KIF13A: variants seen among roughly 807,000 people sequenced by gnomAD.
KIF13A encodes kinesin-like protein KIF13A.
KIF13A carries 79 observed loss-of-function variants against 212.2 expected under a neutral mutation model. That is an observed-to-expected ratio of 0.37 (90% CI 0.31 to 0.45). The LOEUF is 0.45. Ranked by LOEUF, KIF13A falls within the 20% of genes least tolerant of loss-of-function variation. KIF13A has a pLI of 1.00. For missense variants in KIF13A, 1,901 were observed against 2,209.0 expected (o/e 0.86, Z 2.79); for synonymous variants, 789 against 808.6 (o/e 0.98, Z 0.41).
At chr6:17,896,443 C>G (rs549883199) in intron 3 of KIF13A, among the ~76,000 whole-genome samples, 1 of 152,294 alleles carries the variant, frequency 6.6e-6, no homozygotes, top group African/African-American at 2.4e-5. Context: ...TTTCCACTTT[C>G]TTTCAACATT....
chr6:17,827,152 T>G (rs571939149), intron 14 of KIF13A, among the ~76,000 whole-genome samples: 1 of 152,272 alleles, frequency 6.6e-6, no homozygotes, highest in East Asian at 1.9e-4. Context: ...TGGAGTGCAA[T>G]GGAGCAACTA....
Position 17,947,056 on chromosome 6 carries a change from G to C in KIF13A, c.146+39998C>G, listed in dbSNP as rs1435128686. Among the ~76,000 whole-genome samples the C allele has an allele frequency of 6.6e-6, 1 of 152,168 alleles. No individual in the cohort carries two copies. Among genetic ancestry groups the C allele is most frequent in the Non-Finnish European group, 1.5e-5 (1 of 68,034 alleles). ...TTAAAAACAGATGAGCAAATAAAGT[G>C]TGACGAAAAGTTCAAAAAGTAGCAT... is the stretch of plus-strand genomic sequence containing the variant. On this transcript the variant is annotated intron_variant, in intron 2 of 38. Coordinates refer to ENST00000259711, the MANE Select transcript of KIF13A (RefSeq NM_022113.6). This position sits in a 1 kb window ranked among gnomAD's most constrained non-coding sequence, Gnocchi z 4.6.
At position 17,764,710 on chromosome 6, in the gene KIF13A, A is replaced by G; in HGVS notation, c.4818T>C (p.Asn1606=). The G allele has an allele frequency of 6.2e-7, 1 of 1,613,406 alleles. No homozygotes were observed. The highest frequency in any genetic ancestry group is 8.5e-7 in the Non-Finnish European group (1 of 1,179,624). Residue 1606 remains asparagine, a synonymous_variant, in exon 39 of 39, where the codon AAT becomes AAC. Transcript: ENST00000259711. This position sits in a 1 kb window ranked among gnomAD's most constrained non-coding sequence, Gnocchi z 5.1. ...GGACCACCATGTCAGACAGGGTGGC[A>G]TTGGAGGCACTGTGGGAAAAGTAGC... ...TSGYFSHSAS[N]ATLSDMVVPS... is the part of the protein sequence containing the mutation.
chr6:17,778,615 T>C (rs1183320929), intron 33 of KIF13A, among the ~76,000 whole-genome samples: 2 of 152,168 alleles, frequency 1.3e-5, no homozygotes, highest in Admixed American at 1.3e-4. Context: ...TGTGTAACCA[T>C]GGGTGAGTTA....
At chr6:17,831,583 C>T (rs1367429307) in intron 12 of KIF13A, among the ~76,000 whole-genome samples, 1 of 150,722 alleles carries the variant, frequency 6.6e-6, no homozygotes, top group East Asian at 1.9e-4. Flanking sequence ...GGTTAAGAGA[C>T]CAAGAAAGGC....
rs1241798388 is a variant in KIF13A, at chr6:17,772,414, AAAAAC to A, written c.4325-360_4325-356del. On this transcript the variant is annotated intron_variant, in intron 36 of 38. Transcript: ENST00000259711. The surrounding 1 kb of genome is among the most constrained non-coding windows in gnomAD (Gnocchi z 4.8). The stretch of plus-strand genomic sequence containing the variant: ...AGAGAGAGAGAGGGAGACCCTGTCT[AAAAAC>A]AAAACAAAAAAACCCCACAAACAAC... Among the ~76,000 whole-genome samples the A allele has an allele frequency of 2.6e-5, 4 of 152,134 alleles. No individual in the cohort carries two copies. The highest frequency in any genetic ancestry group is 4.4e-5 in the Non-Finnish European group (3 of 68,014).
chr6:17,884,113 T>C (rs1386677077), intron 3 of KIF13A, among the ~76,000 whole-genome samples: 1 of 152,086 alleles, frequency 6.6e-6, no homozygotes, highest in African/African-American at 2.4e-5. Flanking sequence ...TGTCACCTCC[T>C]CCAATGTTTT....
chr6:17,844,011 C>CT (rs1766774725), intron 9 of KIF13A, among the ~76,000 whole-genome samples: 1 of 149,012 alleles, frequency 6.7e-6, no homozygotes, highest in Non-Finnish European at 1.5e-5. Context: ...TGCCACTGTA[C>CT]TCCAGCCTGG....
At chr6:17,791,659 G>T (rs553715844) in intron 25 of KIF13A, among the ~76,000 whole-genome samples, 148 of 152,216 alleles carry the variant, frequency 9.7e-4, no homozygotes, top group African/African-American at 3.5e-3. Flanking sequence ...CCAGTACTTT[G>T]GGAGGACCAG....
rs751536244 is a variant in KIF13A, at chr6:17,777,296, C to T, written c.4151G>A (p.Ser1384Asn). The change falls in exon 34 of 39, where the codon AGT becomes AAT. Residue 1384 changes from serine to asparagine, a missense_variant. This residue lies in a region of KIF13A where 687 missense variants were observed against 759.1 expected (regional missense o/e 0.90). Transcript: ENST00000259711. This position sits in a 1 kb window ranked among gnomAD's most constrained non-coding sequence, Gnocchi z 4.4. ...ACTTACATTATGAACATTTGGTGTACTGAGGCTCCTCCGAATGTGCCGGGC... is the reference window on the plus strand; with the variant it reads ...ACTTACATTATGAACATTTGGTGTATTGAGGCTCCTCCGAATGTGCCGGGC... Reference protein sequence around the residue: ...TKARHIRRSLSTPNVHNVSSS... With the variant: ...TKARHIRRSLNTPNVHNVSSS... 13 of 1,612,876 alleles carry T rather than the reference C, an allele frequency of 8.1e-6. No individual in the cohort carries two copies. The highest frequency in any genetic ancestry group is 4.5e-5 in the East Asian group (2 of 44,876).
At chr6:17,762,523 T>G (rs982561300), downstream of KIF13A, among the ~76,000 whole-genome samples, 31 of 152,096 alleles carry the variant, frequency 2.0e-4, no homozygotes, top group African/African-American at 6.5e-4. Context: ...TGAATATGAA[T>G]TTTTAAGAGG....
At chr6:17,779,539 T>C in intron 32 of KIF13A, 53 bp downstream of exon 32, 1 of 790,602 alleles carries the variant, frequency 1.3e-6, no homozygotes, top group Non-Finnish European at 2.1e-6. Context: ...CTCAAAGTGC[T>C]GGGATTACAG....
At chr6:17,932,664 C>G (rs921056684) in intron 2 of KIF13A, among the ~76,000 whole-genome samples, 42 of 152,244 alleles carry the variant, frequency 2.8e-4, no homozygotes, top group African/African-American at 9.6e-4. Flanking sequence ...GCCTTCTCCC[C>G]ACCCCACCAC....
chr6:17,775,303 A>G (rs1759856170), intron 34 of KIF13A, among the ~76,000 whole-genome samples: 1 of 152,152 alleles, frequency 6.6e-6, no homozygotes, highest in South Asian at 2.1e-4. Flanking sequence ...TGCATATTTT[A>G]TGCTTCACAT....
intron 18 of KIF13A, among the ~76,000 whole-genome samples, chr6:17,808,109 G>A (rs914606275): frequency 2.0e-5 from 3 of 152,180 alleles, no homozygotes; most frequent in African/African-American, 7.2e-5. Flanking sequence ...ATAGCAGGCT[G>A]GGCACAGTGG....
chr6:17,775,346 A>G (rs1210047499), intron 34 of KIF13A, among the ~76,000 whole-genome samples: 1 of 152,182 alleles, frequency 6.6e-6, no homozygotes, highest in Non-Finnish European at 1.5e-5. Flanking sequence ...GTCTTATTCA[A>G]TAGTCTAGTC....
At chr6:17,798,202 A>C (rs1445639021) in intron 22 of KIF13A, among the ~76,000 whole-genome samples, 2 of 139,638 alleles carry the variant, frequency 1.4e-5, no homozygotes, top group African/African-American at 6.3e-5. Context: ...CGATGAAAAA[A>C]CTCCAAGATG....
intron 4 of KIF13A, among the ~76,000 whole-genome samples, chr6:17,862,671 G>A (rs541398813): frequency 1.2e-4 from 19 of 152,136 alleles, no homozygotes; most frequent in African/African-American, 2.9e-4. Context: ...GGTATGAGCC[G>A]GGCATGGTGG....
chr6:17,985,139 C>T (rs73375103), intron 2 of KIF13A, among the ~76,000 whole-genome samples: 1,638 of 152,312 alleles, frequency 0.011, 24 homozygotes, highest in African/African-American at 0.037. Context: ...AAGACAGAAT[C>T]CCACAGAAAG....
Sources: gnomAD v4.1 joint callset for allele counts (sites outside exome capture counted in the v4.1 genomes callset) on GRCh38, gnomAD v4.1.1 for gene constraint, gnomAD v4.1.1 regional missense constraint, Gnocchi (gnomAD v3.1) non-coding constraint, MANE v1.5 for transcripts, NCBI Gene and HGNC (gene_info 2026-07-23, HGNC 2026-07-21) for gene names.